TMEM117: variants seen among roughly 807,000 people sequenced by gnomAD.
TMEM117 encodes the protein transmembrane protein 117.
TMEM117 carries 27 observed loss-of-function variants against 52.4 expected under a neutral mutation model. The observed-to-expected ratio is 0.51, with a 90% confidence interval of 0.38 to 0.71. The LOEUF (loss-of-function observed/expected upper bound fraction) is 0.71, where lower values mean the gene tolerates loss of function less well. Among genes scored for constraint, TMEM117 ranks in the 30% least tolerant of loss-of-function variants. The pLI is 0.00. For missense variants in TMEM117, 556 were observed against 630.5 expected (o/e 0.88, Z 1.26); for synonymous variants, 215 against 206.3 (o/e 1.04, Z -0.36).
At chr12:43,973,270 G>A (rs1047359678) in intron 3 of TMEM117, among the ~76,000 whole-genome samples, 2 of 152,146 alleles carry the variant, frequency 1.3e-5, no homozygotes, top group African/African-American at 4.8e-5. Context: ...TGTGCTTTAA[G>A]AGTGGCAAGA....
At chr12:43,861,446 A>G (rs1303554326) in intron 2 of TMEM117, among the ~76,000 whole-genome samples, 1 of 152,188 alleles carries the variant, frequency 6.6e-6, no homozygotes, top group Non-Finnish European at 1.5e-5. Flanking sequence ...GCTTCTATTT[A>G]GAGCTTAAAC....
At chr12:44,055,725 A>G (rs1398367306) in intron 3 of TMEM117, among the ~76,000 whole-genome samples, 3 of 152,196 alleles carry the variant, frequency 2.0e-5, no homozygotes, top group African/African-American at 7.2e-5. Context: ...TCTTAAACAT[A>G]TTGAATACTA....
chr12:43,981,541 T>C (rs1438013217), intron 3 of TMEM117, among the ~76,000 whole-genome samples: 2 of 152,168 alleles, frequency 1.3e-5, no homozygotes, highest in African/African-American at 4.8e-5. Context: ...CTGGTAGAAG[T>C]GTTCGAGAAA....
intron 5 of TMEM117, among the ~76,000 whole-genome samples, chr12:44,249,685 C>T (rs1433090792): frequency 1.3e-5 from 2 of 152,112 alleles, no homozygotes; most frequent in Non-Finnish European, 2.9e-5. Flanking sequence ...AGAAGTAACA[C>T]TACACATCTA....
chr12:44,284,470 G>A (rs1565672746), intron 5 of TMEM117, among the ~76,000 whole-genome samples: 2 of 152,194 alleles, frequency 1.3e-5, no homozygotes, highest in Non-Finnish European at 2.9e-5. Context: ...ATTTCCCTCT[G>A]TTGAACTGGT....
intron 3 of TMEM117, among the ~76,000 whole-genome samples, chr12:43,988,794 G>C (rs1316672692): frequency 6.6e-6 from 1 of 152,068 alleles, no homozygotes; most frequent in Admixed American, 6.6e-5. Context: ...ATATGAGGCT[G>C]CTCTGAATGA....
At chr12:44,225,041 A>C (rs532525802) in intron 5 of TMEM117, among the ~76,000 whole-genome samples, 1 of 152,278 alleles carries the variant, frequency 6.6e-6, no homozygotes, top group East Asian at 1.9e-4. Context: ...TCATACTTGC[A>C]GTCTTGATGA....
At chr12:44,237,242 T>C (rs1451789041) in intron 5 of TMEM117, among the ~76,000 whole-genome samples, 1 of 152,168 alleles carries the variant, frequency 6.6e-6, no homozygotes. Flanking sequence ...GCTTAGTTTT[T>C]CTTATTCTTT....
chr12:44,312,859 T>A (rs1489414572), intron 6 of TMEM117, among the ~76,000 whole-genome samples: 3 of 152,240 alleles, frequency 2.0e-5, no homozygotes, highest in African/African-American at 7.2e-5. Context: ...TGATGATTAG[T>A]GATGATGAGC....
At chr12:44,139,830 C>T (rs1480086152) in intron 3 of TMEM117, among the ~76,000 whole-genome samples, 1 of 151,994 alleles carries the variant, frequency 6.6e-6, no homozygotes, top group Non-Finnish European at 1.5e-5. Context: ...TTCTAGAGTC[C>T]AATGTGATAT....
chr12:44,336,694 T>TA (rs539847606), intron 6 of TMEM117, among the ~76,000 whole-genome samples: 47 of 151,594 alleles, frequency 3.1e-4, no homozygotes, highest in African/African-American at 1.0e-3. Context: ...AAGCCTGTTT[T>TA]AAAAAAAACC....
intron 5 of TMEM117, among the ~76,000 whole-genome samples, chr12:44,261,517 G>T (rs1323191928): frequency 1.3e-5 from 2 of 151,954 alleles, no homozygotes; most frequent in Non-Finnish European, 2.9e-5. Context: ...TACTGCTTTG[G>T]CTTCAAGGTT....
intron 2 of TMEM117, among the ~76,000 whole-genome samples, chr12:43,858,611 G>T (rs1405304218): frequency 6.6e-6 from 1 of 152,156 alleles, no homozygotes; most frequent in Non-Finnish European, 1.5e-5. Context: ...TTTCAGAGGA[G>T]TGAAATCTAG....
At chr12:44,274,598 A>G (rs758167296) in intron 5 of TMEM117, among the ~76,000 whole-genome samples, 2 of 152,182 alleles carry the variant, frequency 1.3e-5, no homozygotes, top group Non-Finnish European at 2.9e-5. Flanking sequence ...ACTGGCATAA[A>G]CACAGACACA....
intron 2 of TMEM117, among the ~76,000 whole-genome samples, chr12:43,933,118 A>G (rs1324315386): frequency 6.6e-6 from 1 of 152,238 alleles, no homozygotes; most frequent in African/African-American, 2.4e-5. Context: ...AAACCTATTT[A>G]AAATCGTTAA....
chr12:44,254,267 G>C (rs917460901), intron 5 of TMEM117, among the ~76,000 whole-genome samples: 1 of 151,886 alleles, frequency 6.6e-6, no homozygotes, highest in Admixed American at 6.6e-5. Flanking sequence ...ATGCTAGAAA[G>C]TTGTTTTTAA....
At chr12:43,816,932 A>C in the TMEM117 span, among the ~76,000 whole-genome samples, 97 of 152,346 alleles carry the variant, frequency 6.4e-4, no homozygotes, top group African/African-American at 2.3e-3. Flanking sequence ...TTTGGAATAA[A>C]TTGAAGTTAT....
At chr12:43,907,330 C>A (rs1268799802) in intron 2 of TMEM117, among the ~76,000 whole-genome samples, 2 of 150,926 alleles carry the variant, frequency 1.3e-5, no homozygotes, top group Non-Finnish European at 3.0e-5. Flanking sequence ...GACATCCACA[C>A]CAAAAACCCA....
At chr12:44,357,005 GGCTCCTTCA>G (rs1418870889) in intron 6 of TMEM117, among the ~76,000 whole-genome samples, 2 of 152,068 alleles carry the variant, frequency 1.3e-5, no homozygotes, top group Admixed American at 1.3e-4. Flanking sequence ...TTCACACACT[GGCTCCTTCA>G]GCTTCATCCC....
Sources: allele counts gnomAD v4.1 joint callset (sites outside exome capture counted in the v4.1 genomes callset), GRCh38; gene constraint gnomAD v4.1.1; transcripts MANE v1.5; gene names NCBI Gene and HGNC (gene_info 2026-07-23, HGNC 2026-07-21).